The following SUPT3H variants were observed in gnomAD, a reference collection of about 807,000 sequenced individuals.
SUPT3H encodes SPT3 homolog, SAGA and STAGA complex component, also known as transcription initiation protein SPT3 homolog.
SUPT3H carries 44 observed loss-of-function variants against 44.3 expected under a neutral mutation model. The observed-to-expected ratio is 0.99, with a 90% CI of 0.78 to 1.28. The LOEUF (loss-of-function observed/expected upper bound fraction) is 1.28. Ranked by LOEUF, SUPT3H falls within the 50% of genes most tolerant of loss-of-function variation. SUPT3H has a pLI of 0.00. For synonymous variants in SUPT3H, 124 were observed against 125.6 expected (o/e 0.99, Z 0.09); for missense variants, 380 against 387.1 (o/e 0.98, Z 0.15).
chr6:45,085,426 G>C (rs754757586), intron 3 of SUPT3H, among the ~76,000 whole-genome samples: 1 of 152,072 alleles, frequency 6.6e-6, no homozygotes, highest in Admixed American at 6.6e-5. Context: ...CATACTACCT[G>C]TTTTGTTTCT....
At chr6:45,128,529 AAAAAATATATATAT>A (rs1802833316) in intron 2 of SUPT3H, among the ~76,000 whole-genome samples, 3 of 58,404 alleles carry the variant, frequency 5.1e-5, no homozygotes, top group African/African-American at 2.2e-4. Flanking sequence ...AAAAAAAAAA[AAAAAATATATATAT>A]ATATATATAT....
At chr6:44,970,133 T>C (rs1777361556) in intron 6 of SUPT3H, among the ~76,000 whole-genome samples, 1 of 152,300 alleles carries the variant, frequency 6.6e-6, no homozygotes, top group Admixed American at 6.5e-5. Context: ...TTTACCTTTT[T>C]CATACATTTT....
intron 2 of SUPT3H, among the ~76,000 whole-genome samples, chr6:45,351,887 T>C (rs1011992065): frequency 3.3e-5 from 5 of 152,180 alleles, no homozygotes; most frequent in African/African-American, 1.2e-4. Flanking sequence ...TTAGAGGCCT[T>C]ATAAATGCTG....
intron 10 of SUPT3H, among the ~76,000 whole-genome samples, chr6:44,870,799 C>A (rs894024927): frequency 6.6e-6 from 1 of 150,800 alleles, no homozygotes; most frequent in African/African-American, 2.4e-5. Context: ...GCGCACCCTG[C>A]GCGAGCTGAA....
At chr6:44,905,219 CA>C (rs1230924992) in intron 10 of SUPT3H, among the ~76,000 whole-genome samples, 1 of 152,128 alleles carries the variant, frequency 6.6e-6, no homozygotes, top group African/African-American at 2.4e-5. Flanking sequence ...AAACTACCAT[CA>C]GAGTGAACAG....
At chr6:45,022,031 A>T (rs1785214329) in intron 3 of SUPT3H, among the ~76,000 whole-genome samples, 1 of 152,010 alleles carries the variant, frequency 6.6e-6, no homozygotes, top group Non-Finnish European at 1.5e-5. Context: ...GAGTGAGGGA[A>T]ATATATGTGC....
In SUPT3H at chr6:45,194,022, C is replaced by T. The variant is rs533323798; in HGVS notation, c.102-88016G>A. Among the ~76,000 whole-genome samples the T allele has an allele frequency of 8.5e-4, 129 of 152,184 alleles. 1 individual carries two copies. The highest frequency in any genetic ancestry group is 3.0e-3 in the African/African-American group (124 of 41,532). Reference sequence around the variant, plus strand: ...GTTATACACTTGGGTCTTCAGCTTCCTTTTCCAGTGGGTTCATTCATTAGA... The same window carrying T: ...GTTATACACTTGGGTCTTCAGCTTCTTTTTCCAGTGGGTTCATTCATTAGA... On this transcript the variant is annotated intron_variant, in intron 2 of 10. Coordinates refer to ENST00000371459, the MANE Select transcript of SUPT3H (RefSeq NM_003599.4).
chr6:44,870,683 C>T (rs547999623), intron 10 of SUPT3H, among the ~76,000 whole-genome samples: 5 of 151,546 alleles, frequency 3.3e-5, no homozygotes, highest in East Asian at 1.9e-4. Context: ...GTCTACAGCT[C>T]CCAGCATGAG....
chr6:44,904,934 A>C (rs1765738796), intron 10 of SUPT3H, among the ~76,000 whole-genome samples: 1 of 152,206 alleles, frequency 6.6e-6, no homozygotes, highest in Non-Finnish European at 1.5e-5. Flanking sequence ...ATTCCCTGTT[A>C]AATTAATGGT....
chr6:45,009,774 TGTTCTAGGTATTCTA>T (rs1783212990), intron 5 of SUPT3H, among the ~76,000 whole-genome samples: 1 of 152,178 alleles, frequency 6.6e-6, no homozygotes, highest in Admixed American at 6.6e-5. Context: ...TTGTTAAGAT[TGTTCTAGGTATTCTA>T]GTTCCCTCAC....
At chr6:45,271,598 G>A (rs1776159426) in intron 2 of SUPT3H, among the ~76,000 whole-genome samples, 1 of 152,176 alleles carries the variant, frequency 6.6e-6, no homozygotes, top group South Asian at 2.1e-4. Context: ...GAAGTTTGCA[G>A]TAGGGGCAGG....
intron 2 of SUPT3H, among the ~76,000 whole-genome samples, chr6:45,331,116 TGTGTGTGTGTGC>T (rs1483552941): frequency 6.7e-6 from 1 of 149,752 alleles, no homozygotes; most frequent in Admixed American, 6.6e-5. Flanking sequence ...TGTGTGTGTG[TGTGTGTGTGTGC>T]GCGCGCGCGC....
At chr6:44,920,133 C>T (rs543253404) in intron 10 of SUPT3H, among the ~76,000 whole-genome samples, 145 of 152,280 alleles carry the variant, frequency 9.5e-4, no homozygotes, top group Middle Eastern at 6.8e-3. Context: ...CCACCTCGGC[C>T]TCCCAAAGTG....
intron 5 of SUPT3H, among the ~76,000 whole-genome samples, chr6:45,005,086 T>C (rs1317245818): frequency 2.0e-5 from 3 of 152,168 alleles, no homozygotes; most frequent in Non-Finnish European, 2.9e-5. Flanking sequence ...GGTACAAACA[T>C]TTTAATGGAA....
chr6:44,900,359 C>A (rs1367968150), intron 10 of SUPT3H, among the ~76,000 whole-genome samples: 1 of 152,202 alleles, frequency 6.6e-6, no homozygotes, highest in Non-Finnish European at 1.5e-5. Flanking sequence ...TAGCAAACGG[C>A]ACACCAGGAG....
chr6:44,997,123 CTTCTT>C (rs757947219), intron 6 of SUPT3H, among the ~76,000 whole-genome samples: 6 of 151,868 alleles, frequency 4.0e-5, no homozygotes, highest in South Asian at 2.1e-4. Context: ...ATCTCCTACT[CTTCTT>C]TAATGAAAAT....
intron 2 of SUPT3H, among the ~76,000 whole-genome samples, chr6:45,181,606 C>T (rs372839938): frequency 1.3e-4 from 19 of 150,862 alleles, no homozygotes; most frequent in African/African-American, 3.4e-4. Context: ...CTCAGTAAAC[C>T]ATCGCAAGGA....
intron 6 of SUPT3H, among the ~76,000 whole-genome samples, chr6:44,975,845 G>T (rs986348050): frequency 1.3e-5 from 2 of 151,800 alleles, no homozygotes; most frequent in African/African-American, 4.8e-5. Flanking sequence ...TTAAAAAAAA[G>T]AAAATATGAA....
chr6:44,912,857 G>A (rs1436772292), intron 10 of SUPT3H, among the ~76,000 whole-genome samples: 2 of 152,320 alleles, frequency 1.3e-5, no homozygotes, highest in South Asian at 2.1e-4. Flanking sequence ...GCTAGGTGAG[G>A]AGGCACCATA....
Sources: allele counts gnomAD v4.1 joint callset (sites outside exome capture counted in the v4.1 genomes callset), GRCh38; gene constraint gnomAD v4.1.1; transcripts MANE v1.5; gene names NCBI Gene and HGNC (gene_info 2026-07-23, HGNC 2026-07-21).